MED23: variants seen among roughly 807,000 people sequenced by gnomAD.
The protein encoded by MED23 is mediator complex subunit 23, also known as mediator of RNA polymerase II transcription subunit 23.
MED23 carries 105 observed loss-of-function variants against 163.9 expected under a neutral mutation model. That is an observed-to-expected ratio of 0.64 (90% CI 0.55 to 0.75). MED23 has a LOEUF of 0.75. Among genes scored for constraint, MED23 ranks in the 30% least tolerant of loss-of-function variants. The probability of loss-of-function intolerance (pLI) is 0.00; values close to 1 mark genes in which losing one functional copy is unlikely to be tolerated. For synonymous variants in MED23, 561 were observed against 565.6 expected (o/e 0.99, Z 0.12); for missense variants, 1,054 against 1,649.0 (o/e 0.64, Z 6.25).
intron 17 of MED23, among the ~76,000 whole-genome samples, chr6:131,601,861 TA>T (rs1307186807): frequency 2.9e-4 from 44 of 152,086 alleles, no homozygotes; most frequent in African/African-American, 9.9e-4. Flanking sequence ...TTAAACTTCT[TA>T]ATTTTAATAT....
downstream of MED23, among the ~76,000 whole-genome samples, chr6:131,581,797 T>C (rs79050546): frequency 9.2e-3 from 1,397 of 152,296 alleles, 20 homozygotes; most frequent in African/African-American, 0.032. Flanking sequence ...TTCTATATCA[T>C]AGAGGCTTTT....
downstream of MED23, chr6:131,583,358 G>A: frequency 6.2e-7 from 1 of 1,614,120 alleles, no homozygotes; most frequent in Non-Finnish European, 8.5e-7. Flanking sequence ...TTAAAAGAAA[G>A]AAAAGGCCAA....
Position 131,590,373 on chromosome 6 carries a change from A to C in MED23, c.3756T>G (p.Val1252=), listed in dbSNP as rs2114583211. 6.2e-7 allele frequency: 1 copy of C among 1,611,232 alleles called. No individual in the cohort carries two copies. Among genetic ancestry groups the C allele is most frequent in the African/African-American group, 1.3e-5 (1 of 74,986 alleles). ...GCTGAAATCTTTGTAAAAATGGTCC[A>C]ACAAGATGGTATACATAAAGCAACT... The part of the protein sequence containing the change: ...EFQLLYVYHL[V]GPFLQRFQQE... Residue 1252 remains valine, a synonymous_variant, in exon 27 of 29, where the codon GTT becomes GTG. Coordinates refer to ENST00000368068, the MANE Select transcript of MED23 (RefSeq NM_004830.4).
At chr6:131,606,839 CT>C (rs1775889399) in intron 12 of MED23, among the ~76,000 whole-genome samples, 1 of 152,064 alleles carries the variant, frequency 6.6e-6, no homozygotes, top group Non-Finnish European at 1.5e-5. Context: ...TTTTTACTTG[CT>C]TTAAGTAACA....
intron 30 of MED23, among the ~76,000 whole-genome samples, chr6:131,578,231 G>GT (rs1773725605): frequency 6.7e-6 from 1 of 148,284 alleles, no homozygotes; most frequent in Non-Finnish European, 1.5e-5. Context: ...GTAGAGAACA[G>GT]AATGCTTGGG....
intron 9 of MED23, among the ~76,000 whole-genome samples, chr6:131,618,199 G>C (rs2114741734): frequency 6.6e-6 from 1 of 152,324 alleles, no homozygotes; most frequent in African/African-American, 2.4e-5. Context: ...TACTTTGCCA[G>C]AGGTGGACCA....
rs1236606638 is a variant in MED23 at position 131,619,943 on chromosome 6, G to A, written c.598-47C>T. The A allele has an allele frequency of 2.5e-6, 3 of 1,190,026 alleles. No individual in the cohort carries two copies. In the East Asian group the frequency reaches 7.0e-5, roughly 28 times the overall value. 73.7% of individuals were successfully genotyped at this position (1,190,026 alleles called of 1,614,324 possible). Reference sequence around the variant, plus strand: ...GAAGTCAAATAAATACGTACAAAAGGAAAATTGAGACTGCCCCTGAAATAT... The same window carrying A: ...GAAGTCAAATAAATACGTACAAAAGAAAAATTGAGACTGCCCCTGAAATAT... On this transcript the variant is annotated intron_variant, in intron 7 of 28. Transcript: ENST00000368068.
chr6:131,603,243 G>T, intron 15 of MED23, 39 bp from the exon 16 acceptor site: 1 of 1,589,396 alleles, frequency 6.3e-7, no homozygotes, highest in Non-Finnish European at 8.6e-7. Flanking sequence ...AATTATTAAA[G>T]GCTATGCATG....
chr6:131,616,016 A>G lies in MED23; in HGVS notation c.781-14T>C. On this transcript the variant is annotated splice_polypyrimidine_tract_variant and intron_variant, in intron 9 of 28. Coordinates refer to ENST00000368068, the MANE Select transcript of MED23 (RefSeq NM_004830.4). ...TTCAAACAGATCCTTTAAAGAAAAT[A>G]AGAAAATCATTGCTTCAAGATCAAT... 1 of 1,586,918 alleles carries G rather than the reference A, an allele frequency of 6.3e-7. No homozygotes were observed. The highest frequency in any genetic ancestry group is 8.7e-7 in the Non-Finnish European group (1 of 1,155,926).
chr6:131,628,181 A>C lies in MED23; in HGVS notation c.-132T>G. Reference sequence around the variant, plus strand: ...GCTCCTCGGCGTCGCTTCCTCCCCCAGCGCTTTACCTGGAGCGTTCCCTCC... The same window carrying C: ...GCTCCTCGGCGTCGCTTCCTCCCCCCGCGCTTTACCTGGAGCGTTCCCTCC... On this transcript the variant is annotated 5_prime_UTR_variant, in exon 1 of 29. Transcript: ENST00000368068. 1 of 1,059,194 alleles carries C rather than the reference A, an allele frequency of 9.4e-7. No individual in the cohort carries two copies. The highest frequency in any genetic ancestry group is 2.4e-5 in the East Asian group (1 of 41,402). The allele number at this position is 1,059,194 out of a possible 1,614,324, so 65.6% of individuals were successfully genotyped here.
At chr6:131,591,609 A>C in intron 25 of MED23, 82 bp from the exon 26 acceptor site, 35 of 1,109,062 alleles carry the variant, frequency 3.2e-5, no homozygotes, top group Non-Finnish European at 4.4e-5. Context: ...GTGTTTTCTC[A>C]TTCTTTAAAG....
chr6:131,598,577 T>C lies in MED23; in HGVS notation c.2405A>G (p.His802Arg), dbSNP rs753843797. ...TTACCTATAGCCAATCTGATTAATA[T>C]GATCTGTTTCCAAGAGCATTTTCCA... ...LLWKMLLETD[H>R]INQIGYRVLE... is the part of the protein sequence containing the mutation. Residue 802 changes from histidine to arginine, a missense_variant, in exon 19 of 29, where the codon CAT becomes CGT. Physicochemically the swap from His to Arg is conservative, Grantham distance 29 (BLOSUM62 0). This residue lies in a region of MED23 where 228 missense variants were observed against 461.3 expected (regional missense o/e 0.49). Transcript: ENST00000368068. The surrounding 1 kb of genome is among the most constrained non-coding windows in gnomAD (Gnocchi z 4.7). 3 of 1,614,140 alleles carry C rather than the reference T, an allele frequency of 1.9e-6. No individual in the cohort carries two copies. Among genetic ancestry groups the C allele is most frequent in the Admixed American group, 3.3e-5 (2 of 60,028 alleles).
chr6:131,595,010 C>A (rs147784467), intron 22 of MED23, among the ~76,000 whole-genome samples: 2 of 152,214 alleles, frequency 1.3e-5, no homozygotes, highest in Admixed American at 1.3e-4. Context: ...TTTAAAAGAA[C>A]GCTCACTTGA....
chr6:131,621,121 C>G (rs1020284314), intron 6 of MED23, among the ~76,000 whole-genome samples: 2 of 151,998 alleles, frequency 1.3e-5, no homozygotes, highest in Admixed American at 1.3e-4. Context: ...GTTTTAAACA[C>G]TACAATGACA....
intron 5 of MED23, among the ~76,000 whole-genome samples, chr6:131,622,821 G>A (rs1287880715): frequency 6.6e-6 from 1 of 152,182 alleles, no homozygotes; most frequent in African/African-American, 2.4e-5. Context: ...CCGGGAAAAG[G>A]ACAATAACAA....
chr6:131,593,984 TA>T (rs943400435), intron 23 of MED23, 114 bp downstream of exon 23: 66 of 851,922 alleles, frequency 7.7e-5, no homozygotes, highest in Admixed American at 4.4e-4. Flanking sequence ...GAAGTGATCT[TA>T]AAAAAAATTA....
At chr6:131,581,197 C>A (rs745875961) in intron 30 of MED23, 11 of 1,613,450 alleles carry the variant, frequency 6.8e-6, no homozygotes, top group Non-Finnish European at 9.3e-6. Flanking sequence ...CTGATGTTCA[C>A]ACAAAATTTT....
chr6:131,587,602 C>T lies in MED23; in HGVS notation c.*77G>A, dbSNP rs189012428. 9.3e-6 allele frequency: 15 copies of T among 1,604,768 alleles called. No homozygotes were observed. The highest frequency in any genetic ancestry group is 5.1e-5 in the Admixed American group (3 of 58,916). On this transcript the variant is annotated 3_prime_UTR_variant, in exon 29 of 29. Transcript: ENST00000368068. ...TTCTACTATATCACTACAGTGTGAT[C>T]GCATTCAGATTTAAAAGGTTTGAGT...
intron 24 of MED23, chr6:131,592,730 G>T (rs751919320): frequency 6.7e-6 from 4 of 598,410 alleles, no homozygotes; most frequent in Non-Finnish European, 1.2e-5. Flanking sequence ...AAGATGAAGA[G>T]AATCTTGTTT....
Sources: gnomAD v4.1 joint callset for allele counts (sites outside exome capture counted in the v4.1 genomes callset) on GRCh38, gnomAD v4.1.1 for gene constraint, gnomAD v4.1.1 regional missense constraint, Gnocchi (gnomAD v3.1) non-coding constraint, MANE v1.5 for transcripts, NCBI Gene and HGNC (gene_info 2026-07-23, HGNC 2026-07-21) for gene names.